The following CSMD1 variants were observed in gnomAD, a reference collection of about 807,000 sequenced individuals.
CSMD1 encodes the protein CUB and sushi domain-containing protein 1.
Under a neutral mutation model 417.5 loss-of-function variants are expected in CSMD1, and 213 were observed. That is an observed-to-expected ratio of 0.51 (90% CI 0.46 to 0.57). The LOEUF is 0.57. Among genes scored for constraint, CSMD1 ranks in the 20% least tolerant of loss-of-function variants. The pLI is 0.00. For synonymous variants in CSMD1, 2,862 were observed against 1,736.8 expected (o/e 1.65, Z -16.11); for missense variants, 6,923 against 4,529.7 (o/e 1.53, Z -15.17).
chr8:3,119,074 G>C (rs556367731), intron 41 of CSMD1, among the ~76,000 whole-genome samples: 3 of 152,182 alleles, frequency 2.0e-5, no homozygotes, highest in Admixed American at 2.0e-4. Flanking sequence ...CAGCTACTCA[G>C]GAGGCTGAGG....
chr8:4,946,320 C>T (rs1433666305), intron 1 of CSMD1, among the ~76,000 whole-genome samples: 3 of 152,164 alleles, frequency 2.0e-5, no homozygotes, highest in Non-Finnish European at 4.4e-5. Context: ...ATATGACTAA[C>T]TGAAACCTTA....
intron 25 of CSMD1, among the ~76,000 whole-genome samples, chr8:3,291,968 C>G (rs964505177): frequency 5.3e-5 from 8 of 151,816 alleles, no homozygotes; most frequent in Non-Finnish European, 1.2e-4. Context: ...GCATTTAGTG[C>G]TATAAATTTT....
intron 7 of CSMD1, among the ~76,000 whole-genome samples, chr8:3,674,206 A>G (rs895589772): frequency 6.6e-6 from 1 of 152,220 alleles, no homozygotes; most frequent in Non-Finnish European, 1.5e-5. Context: ...AGTTGTCTCT[A>G]GAATTATCAA....
chr8:4,947,109 A>T (rs779350644), intron 1 of CSMD1, among the ~76,000 whole-genome samples: 11 of 152,200 alleles, frequency 7.2e-5, no homozygotes, highest in Non-Finnish European at 8.8e-5. Context: ...GTCATCTATA[A>T]CTACTTGTAT....
intron 10 of CSMD1, among the ~76,000 whole-genome samples, chr8:3,506,481 G>C (rs936717519): frequency 2.0e-5 from 3 of 152,196 alleles, no homozygotes; most frequent in African/African-American, 4.8e-5. Flanking sequence ...GGGGGAATAA[G>C]TTACTTCCAG....
chr8:4,587,855 T>C (rs2617077), intron 2 of CSMD1, among the ~76,000 whole-genome samples: 60,481 of 152,078 alleles, frequency 0.4, 12,176 homozygotes, highest in African/African-American at 0.44. Flanking sequence ...TAAAAAATTA[T>C]GAAATTTATT....
chr8:3,922,287 C>T lies in CSMD1; in HGVS notation c.818+75616G>A, dbSNP rs552877262. Reference sequence around the variant, plus strand: ...GTGCTCTTAAAAACATAGTGAGTTCCTTTTAAAAAGCATATAGTTGGATCT... The same window carrying T: ...GTGCTCTTAAAAACATAGTGAGTTCTTTTTAAAAAGCATATAGTTGGATCT... On this transcript the variant is annotated intron_variant, in intron 5 of 69. Transcript: ENST00000635120. Among the ~76,000 whole-genome samples the T allele has an allele frequency of 9.2e-5, 14 of 151,922 alleles. No homozygotes were observed. The South Asian group carries it at 2.7e-3, about 29-fold the overall frequency.
chr8:3,477,776 A>G (rs1817515577), intron 11 of CSMD1, among the ~76,000 whole-genome samples: 1 of 152,122 alleles, frequency 6.6e-6, no homozygotes, highest in Non-Finnish European at 1.5e-5. Context: ...GGAGGTACTG[A>G]GAGCAAGTAA....
intron 2 of CSMD1, among the ~76,000 whole-genome samples, chr8:4,615,824 TC>T (rs1776817001): frequency 1.3e-5 from 2 of 152,160 alleles, no homozygotes; most frequent in African/African-American, 4.8e-5. Flanking sequence ...TGATAATCTA[TC>T]AAAACCTTCC....
chr8:4,389,575 G>A (rs1193551796), intron 3 of CSMD1, among the ~76,000 whole-genome samples: 3 of 152,116 alleles, frequency 2.0e-5, no homozygotes, highest in Admixed American at 6.6e-5. Context: ...AACAAGAGAT[G>A]TTTAAGAAAT....
At chr8:4,776,621 C>T (rs1796867081) in intron 1 of CSMD1, among the ~76,000 whole-genome samples, 1 of 152,144 alleles carries the variant, frequency 6.6e-6, no homozygotes, top group South Asian at 2.1e-4. Context: ...GGTACTATCA[C>T]ATAGAAAATA....
rs190149215 is a variant in CSMD1 at position 4,020,032 on chromosome 8, T to A, written c.610+11873A>T. Among the ~76,000 whole-genome samples, 3 of 152,218 alleles carry A rather than the reference T, an allele frequency of 2.0e-5. No individual in the cohort carries two copies. In the East Asian group the frequency reaches 5.8e-4, roughly 29 times the overall value. On this transcript the variant is annotated intron_variant, in intron 4 of 69. Coordinates refer to ENST00000635120, the MANE Select transcript of CSMD1 (RefSeq NM_033225.6). ...GCTCTGGGCACTTAGTTCTGAAATC[T>A]AAAATCGTGCTTAAGAGTGGAAGGG...
intron 1 of CSMD1, among the ~76,000 whole-genome samples, chr8:4,852,385 CCTCT>C (rs572603502): frequency 8.0e-4 from 122 of 152,008 alleles, no homozygotes; most frequent in African/African-American, 2.8e-3. Flanking sequence ...TGGCTCCTCT[CCTCT>C]CTCTCTCGTT....
intron 2 of CSMD1, among the ~76,000 whole-genome samples, chr8:4,460,898 G>A (rs1047117028): frequency 1.3e-5 from 2 of 151,928 alleles, no homozygotes; most frequent in African/African-American, 2.4e-5. Flanking sequence ...AATAGAAGAG[G>A]GATCACATTC....
intron 52 of CSMD1, 105 bp from the exon 53 acceptor site, chr8:3,000,236 C>T: frequency 1.6e-6 from 1 of 609,632 alleles, no homozygotes; most frequent in South Asian, 4.6e-5. Context: ...GAAGGCGCAA[C>T]ATATTGAAAT....
At chr8:3,085,982 C>T (rs916298579) in intron 49 of CSMD1, among the ~76,000 whole-genome samples, 39 of 152,086 alleles carry the variant, frequency 2.6e-4, no homozygotes, top group African/African-American at 9.2e-4. Flanking sequence ...CCCATTCCAC[C>T]GAATCCCTTT....
intron 1 of CSMD1, among the ~76,000 whole-genome samples, chr8:4,952,444 G>T (rs982854172): frequency 6.6e-6 from 1 of 151,958 alleles, no homozygotes; most frequent in Non-Finnish European, 1.5e-5. Flanking sequence ...ATACTTACTG[G>T]ATTTCAATTA....
chr8:3,984,197 C>T (rs967618813), intron 5 of CSMD1, among the ~76,000 whole-genome samples: 23 of 145,142 alleles, frequency 1.6e-4, no homozygotes, highest in African/African-American at 4.6e-4. Flanking sequence ...TCTCAGACTG[C>T]GCTTGCACCC....
chr8:3,827,828 C>T (rs1438506452), intron 5 of CSMD1, among the ~76,000 whole-genome samples: 1 of 152,144 alleles, frequency 6.6e-6, no homozygotes, highest in East Asian at 1.9e-4. Context: ...AAAAGTCGGT[C>T]CACTAATAAC....
Sources: allele counts gnomAD v4.1 joint callset (sites outside exome capture counted in the v4.1 genomes callset), GRCh38; gene constraint gnomAD v4.1.1; transcripts MANE v1.5; gene names NCBI Gene and HGNC (gene_info 2026-07-23, HGNC 2026-07-21).